The following PCDHGB3 variants were observed in gnomAD, a reference collection of about 807,000 sequenced individuals.
PCDHGB3 encodes the protein protocadherin gamma subfamily B, 3.
PCDHGB3 carries 40 observed loss-of-function variants against 59.2 expected under a neutral mutation model. The observed-to-expected ratio is 0.68, with a 90% CI of 0.52 to 0.88. The LOEUF (loss-of-function observed/expected upper bound fraction) is 0.88, where lower values mean the gene tolerates loss of function less well. PCDHGB3 is among the 40% of genes least tolerant of loss of function. PCDHGB3 has a pLI of 0.00. For missense variants in PCDHGB3, 1,309 were observed against 1,187.9 expected (o/e 1.10, Z -1.50); for synonymous variants, 581 against 503.6 (o/e 1.15, Z -2.06).
At chr5:141,412,601 A>G (rs2095565422) in intron 1 of PCDHGB3, 1 of 152,188 alleles carries the variant, frequency 6.6e-6, no homozygotes, top group African/African-American at 2.4e-5. Context: ...ACTAAATAAA[A>G]TTGGCCTATT....
intron 1 of PCDHGB3, chr5:141,422,764 G>A: frequency 1.2e-6 from 2 of 1,613,582 alleles, no homozygotes; most frequent in Non-Finnish European, 8.5e-7. Flanking sequence ...CTCCAACACT[G>A]GTGTTCTCTA....
rs1048758308 is a variant in PCDHGB3 at position 141,498,931 on chromosome 5, A to T, written c.2474+4066A>T. Among the ~76,000 whole-genome samples the T allele has an allele frequency of 6.2e-4, 88 of 141,764 alleles. 1 individual carries two copies. Among genetic ancestry groups the T allele is most frequent in the Non-Finnish European group, 1.1e-3 (70 of 64,686 alleles). 93.0% of individuals were successfully genotyped at this position (141,764 alleles called of 152,430 possible). On this transcript the variant is annotated intron_variant, in intron 2 of 3. Coordinates refer to ENST00000576222, the MANE Select transcript of PCDHGB3 (RefSeq NM_018924.5). ...CTGGGTGACAGAGCGAGACTCCATC[A>T]GGAAAGAAAGAAAGAAAAAGAGAGA... is the stretch of plus-strand genomic sequence containing the variant.
chr5:141,502,446 C>T (rs541278139), intron 2 of PCDHGB3, among the ~76,000 whole-genome samples: 1 of 152,098 alleles, frequency 6.6e-6, no homozygotes, highest in South Asian at 2.1e-4. Context: ...ATTCAGATTA[C>T]ACACCTTGGT....
chr5:141,434,073 A>G (rs1372471160), intron 1 of PCDHGB3, among the ~76,000 whole-genome samples: 2 of 152,058 alleles, frequency 1.3e-5, no homozygotes, highest in African/African-American at 4.8e-5. Flanking sequence ...GTTAATATCA[A>G]TTATTTATTT....
chr5:141,501,302 C>T (rs886901737), intron 2 of PCDHGB3, among the ~76,000 whole-genome samples: 14 of 151,156 alleles, frequency 9.3e-5, no homozygotes, highest in African/African-American at 2.9e-4. Flanking sequence ...CACACACACA[C>T]ACACACACAC....
At chr5:141,409,405 C>T in intron 1 of PCDHGB3, 1 of 1,614,050 alleles carries the variant, frequency 6.2e-7, no homozygotes, top group Non-Finnish European at 8.5e-7. Context: ...CCAATAACTA[C>T]TACAAACTGG....
chr5:141,374,884 C>T (rs1770914347), intron 1 of PCDHGB3: 1 of 1,613,714 alleles, frequency 6.2e-7, no homozygotes, highest in African/African-American at 1.3e-5. Context: ...TGACTGCCAC[C>T]GACCAGGATG....
chr5:141,478,589 T>C, intron 1 of PCDHGB3: 2 of 1,573,336 alleles, frequency 1.3e-6, no homozygotes, highest in Non-Finnish European at 1.7e-6. Context: ...AGTGCTTTTT[T>C]ATTCCTACAT....
chr5:141,404,119 T>G, intron 1 of PCDHGB3: 1 of 1,613,504 alleles, frequency 6.2e-7, no homozygotes, highest in Non-Finnish European at 8.5e-7. Flanking sequence ...TCCAGGAGAA[T>G]CTATCTTTTA....
intron 1 of PCDHGB3, chr5:141,403,667 GC>G: frequency 6.2e-7 from 1 of 1,613,910 alleles, no homozygotes; most frequent in Non-Finnish European, 8.5e-7. Context: ...AAATGATAAT[GC>G]CCCGGTTTTT....
intron 3 of PCDHGB3, among the ~76,000 whole-genome samples, chr5:141,505,720 G>A (rs1251781594): frequency 2.2e-4 from 34 of 152,212 alleles, no homozygotes; most frequent in Non-Finnish European, 2.9e-5. Context: ...GACTCATGGA[G>A]GGAATAGTGG....
At chr5:141,433,546 T>C (rs1317735935) in intron 1 of PCDHGB3, among the ~76,000 whole-genome samples, 1 of 152,090 alleles carries the variant, frequency 6.6e-6, no homozygotes, top group Non-Finnish European at 1.5e-5. Context: ...TATCAGATAT[T>C]CTTTTCTGGC....
intron 1 of PCDHGB3, among the ~76,000 whole-genome samples, chr5:141,458,909 T>G (rs548847649): frequency 6.6e-6 from 1 of 152,192 alleles, no homozygotes; most frequent in African/African-American, 2.4e-5. Context: ...TTTTTTCTAT[T>G]TTTTGTGGAG....
In PCDHGB3 at chr5:141,490,304, T is replaced by G. The variant is rs2099698490; in HGVS notation, c.2416-4503T>G. On this transcript the variant is annotated intron_variant, in intron 1 of 3. Coordinates refer to ENST00000576222, the MANE Select transcript of PCDHGB3 (RefSeq NM_018924.5). This position sits in a 1 kb window ranked among gnomAD's most constrained non-coding sequence, Gnocchi z 5.4. ...GCCCCAGAGGTGCTATTGGCCTCTT[T>G]GGCCAACCCTGTCCTAGAGAGCACA... 1.2e-6 allele frequency: 2 copies of G among 1,614,026 alleles called. No homozygotes were observed. The highest frequency in any genetic ancestry group is 1.7e-5 in the Admixed American group (1 of 60,010).
chr5:141,435,603 T>C (rs1195458514), intron 1 of PCDHGB3, among the ~76,000 whole-genome samples: 1 of 152,218 alleles, frequency 6.6e-6, no homozygotes, highest in African/African-American at 2.4e-5. Flanking sequence ...GCCTGCTTTT[T>C]ACATTAAATT....
chr5:141,395,528 A>T, intron 1 of PCDHGB3: 1 of 368,434 alleles, frequency 2.7e-6, no homozygotes, highest in Non-Finnish European at 4.9e-6. Flanking sequence ...CCATACTGGT[A>T]ATTTTGCTAT....
chr5:141,416,233 C>T (rs1313671195), intron 1 of PCDHGB3: 1 of 152,210 alleles, frequency 6.6e-6, no homozygotes, highest in Non-Finnish European at 1.5e-5. Flanking sequence ...ATTTTTCCAG[C>T]CCTATTTATA....
intron 1 of PCDHGB3, among the ~76,000 whole-genome samples, chr5:141,472,992 A>G (rs2099309983): frequency 6.6e-6 from 1 of 151,994 alleles, no homozygotes; most frequent in South Asian, 2.1e-4. Context: ...AAAAAAAAAA[A>G]AAAAAGAAAG....
At chr5:141,421,306 T>C (rs1356157966) in intron 1 of PCDHGB3, 1 of 1,613,564 alleles carries the variant, frequency 6.2e-7, no homozygotes, top group South Asian at 1.1e-5. Context: ...GCTGCGGGGG[T>C]TCCGGGCCAG....
Sources: allele counts gnomAD v4.1 joint callset (sites outside exome capture counted in the v4.1 genomes callset), GRCh38; gene constraint gnomAD v4.1.1; non-coding constraint Gnocchi (gnomAD v3.1); transcripts MANE v1.5; gene names NCBI Gene and HGNC (gene_info 2026-07-23, HGNC 2026-07-21).